Variants in C17orf99 observed in about 807,000 individuals in gnomAD.
The protein encoded by C17orf99 is chromosome 17 open reading frame 99, also known as protein IL-40.
C17orf99 carries 18 observed loss-of-function variants against 22.6 expected under a neutral mutation model. The ratio of observed to expected loss-of-function variants is 0.80; its 90% CI spans 0.55 to 1.18. The LOEUF (loss-of-function observed/expected upper bound fraction) is 1.18. C17orf99 is among the 50% of genes most tolerant of loss of function. The pLI is 0.00. For missense variants in C17orf99, 328 were observed against 342.7 expected (o/e 0.96, Z 0.34); for synonymous variants, 147 against 136.6 (o/e 1.08, Z -0.53).
intron 2 of C17orf99, chr17:78,158,141 A>G: frequency 1.2e-6 from 1 of 814,818 alleles, no homozygotes; most frequent in South Asian, 1.3e-5. Flanking sequence ...TGGAGAAGAG[A>G]TCCTGATCAT....
At chr17:78,162,834 G>A (rs2075588524) in intron 3 of C17orf99, among the ~76,000 whole-genome samples, 1 of 152,186 alleles carries the variant, frequency 6.6e-6, no homozygotes, top group Non-Finnish European at 1.5e-5. Flanking sequence ...CGCCCAGGCT[G>A]AACTGCAGTG....
At chr17:78,165,349 C>T in intron 4 of C17orf99, 1 of 985,594 alleles carries the variant, frequency 1.0e-6, no homozygotes, top group Non-Finnish European at 1.2e-6. Context: ...TCACTTCTAC[C>T]AAGTCTGTTC....
chr17:78,146,293 T>G, upstream of C17orf99: 2 of 917,444 alleles, frequency 2.2e-6, no homozygotes, highest in Non-Finnish European at 3.2e-6. This position sits in a 1 kb window ranked among gnomAD's most constrained non-coding sequence, Gnocchi z 5.2. Context: ...GGCCTCCAGG[T>G]TATCTCCCCA....
At chr17:78,156,151 G>A (rs981062390) in intron 2 of C17orf99, among the ~76,000 whole-genome samples, 19 of 150,950 alleles carry the variant, frequency 1.3e-4, no homozygotes, top group African/African-American at 3.2e-4. Context: ...CCAATGTGGC[G>A]AAACCCAGTC....
intron 2 of C17orf99, among the ~76,000 whole-genome samples, chr17:78,157,238 G>T (rs1414389369): frequency 2.0e-5 from 3 of 151,718 alleles, no homozygotes; most frequent in Non-Finnish European, 4.4e-5. Flanking sequence ...GGCCGAGGCG[G>T]GCGCATCATG....
intron 3 of C17orf99, among the ~76,000 whole-genome samples, chr17:78,162,950 A>C (rs945489802): frequency 6.6e-6 from 1 of 151,906 alleles, no homozygotes; most frequent in Non-Finnish European, 1.5e-5. Flanking sequence ...CATGCCGGCT[A>C]ATTTTTGTAT....
intron 2 of C17orf99, among the ~76,000 whole-genome samples, chr17:78,148,219 TA>T (rs34982417): frequency 8.3e-4 from 116 of 140,522 alleles, no homozygotes; most frequent in Admixed American, 1.3e-3. Flanking sequence ...CCCCATCTCT[TA>T]AAAAAAAAAA....
chr17:78,148,945 A>T (rs2145768739), intron 2 of C17orf99, among the ~76,000 whole-genome samples: 1 of 152,206 alleles, frequency 6.6e-6, no homozygotes, highest in South Asian at 2.1e-4. Flanking sequence ...GCAATGCGGG[A>T]GAGGCAGGGA....
At chr17:78,156,902 A>G (rs2075529401) in intron 2 of C17orf99, among the ~76,000 whole-genome samples, 1 of 151,554 alleles carries the variant, frequency 6.6e-6, no homozygotes, top group Non-Finnish European at 1.5e-5. Context: ...CGCAGTGGCC[A>G]CCGTGCCTGG....
At chr17:78,155,132 T>G (rs5008681) in intron 2 of C17orf99, among the ~76,000 whole-genome samples, 42 of 114,976 alleles carry the variant, frequency 3.7e-4, no homozygotes, top group Non-Finnish European at 4.8e-4. Flanking sequence ...CTATTTTTTT[T>G]TTTTTTTTTT....
At position 78,166,288 on chromosome 17, in the gene C17orf99, T is replaced by C; in HGVS notation, c.*242T>C. ...CATATCAGGTTGTCTACCTTAAATA[T>C]ACACAAAAACATTTATTTAAAAAAA... On this transcript the variant is annotated 3_prime_UTR_variant, in exon 5 of 5. Coordinates refer to ENST00000340363, the MANE Select transcript of C17orf99 (RefSeq NM_001163075.2). 1 of 321,948 alleles carries C rather than the reference T, an allele frequency of 3.1e-6. No individual in the cohort carries two copies. The highest frequency in any genetic ancestry group is 5.6e-6 in the Non-Finnish European group (1 of 179,200). 19.9% of individuals were successfully genotyped at this position (321,948 alleles called of 1,614,324 possible).
In C17orf99 at chr17:78,164,208, A is replaced by G; in HGVS notation, c.484A>G (p.Ile162Val). 3 of 1,551,638 alleles carry G rather than the reference A, an allele frequency of 1.9e-6. No individual in the cohort carries two copies. Among genetic ancestry groups the G allele is most frequent in the Non-Finnish European group, 2.6e-6 (3 of 1,147,014 alleles). ...CAGCCCACCTATCACCAACAGCCTGATCGGGAAGGATGGGCAGGTCCACCT... is the reference window on the plus strand; with the variant it reads ...CAGCCCACCTATCACCAACAGCCTGGTCGGGAAGGATGGGCAGGTCCACCT... Reference protein sequence around the residue: ...SGSPPITNSLIGKDGQVHLQQ... With the variant: ...SGSPPITNSLVGKDGQVHLQQ... Residue 162 changes from isoleucine (I) to valine (V), a missense_variant, in exon 4 of 5, where the codon ATC becomes GTC. Transcript: ENST00000340363.
chr17:78,153,478 C>G (rs1054439966), intron 2 of C17orf99, among the ~76,000 whole-genome samples: 3 of 141,460 alleles, frequency 2.1e-5, no homozygotes, highest in African/African-American at 3.0e-5. Flanking sequence ...GAGCAAGACT[C>G]CGTCTCAAAA....
intron 2 of C17orf99, chr17:78,157,457 T>C (rs1391632732): frequency 2.3e-6 from 3 of 1,311,664 alleles, no homozygotes; most frequent in African/African-American, 1.5e-5. Context: ...AGACAGGAGA[T>C]GCAGGGCCTC....
intron 2 of C17orf99, among the ~76,000 whole-genome samples, chr17:78,151,423 CAAAAAAAAAAA>C (rs35828431): frequency 7.1e-5 from 4 of 56,180 alleles, no homozygotes; most frequent in African/African-American, 2.7e-4. Context: ...GACTCTGTCT[CAAAAAAAAAAA>C]AAAAAAAAAA....
intron 4 of C17orf99, 60 bp from the exon 5 acceptor site, chr17:78,165,829 T>C: frequency 7.8e-7 from 1 of 1,279,872 alleles, no homozygotes; most frequent in African/African-American, 1.5e-5. Flanking sequence ...CTCAGACGCC[T>C]CGGGAGGGGA....
intron 2 of C17orf99, among the ~76,000 whole-genome samples, chr17:78,160,398 T>G (rs2075563764): frequency 6.6e-6 from 1 of 151,830 alleles, no homozygotes; most frequent in Admixed American, 6.6e-5. Flanking sequence ...TAGCCAGGCG[T>G]GGTGGCACGC....
rs2075484215 is a variant in C17orf99 at position 78,151,604 on chromosome 17, G to A, written c.70+4693G>A. Among the ~76,000 whole-genome samples the A allele has an allele frequency of 3.3e-5, 5 of 152,176 alleles. No individual in the cohort carries two copies. The South Asian group carries it at 8.3e-4, about 25-fold the overall frequency. On this transcript the variant is annotated intron_variant, in intron 2 of 4. Transcript: ENST00000340363. ...GCTCCTGGCTCCTGTCCTGGTTTCT[G>A]GGGGTTGCCTCCCTCATGCCATTCT...
chr17:78,165,097 C>T (rs2145806594), intron 4 of C17orf99: 1 of 1,051,014 alleles, frequency 9.5e-7, no homozygotes, highest in Non-Finnish European at 1.1e-6. Flanking sequence ...CTCCCAGGGT[C>T]CCCTCTCCAA....
Sources: gnomAD v4.1 joint callset for allele counts (sites outside exome capture counted in the v4.1 genomes callset) on GRCh38, gnomAD v4.1.1 for gene constraint, Gnocchi (gnomAD v3.1) non-coding constraint, MANE v1.5 for transcripts, NCBI Gene and HGNC (gene_info 2026-07-23, HGNC 2026-07-21) for gene names.